MEI4: variants seen among roughly 807,000 people sequenced by gnomAD.
MEI4 encodes the protein meiosis-specific protein MEI4.
In MEI4, 27 loss-of-function variants were observed where a neutral mutation model predicts 31.4. The ratio of observed to expected loss-of-function variants is 0.86; its 90% CI spans 0.63 to 1.19. The LOEUF is 1.19. MEI4 is among the 50% of genes most tolerant of loss of function. The pLI, the probability that MEI4 is intolerant of heterozygous loss-of-function variation, is 0.00. For synonymous variants in MEI4, 122 were observed against 145.4 expected (o/e 0.84, Z 1.16); for missense variants, 329 against 398.9 (o/e 0.82, Z 1.49).
At chr6:77,916,378 T>C (rs1766547895) in intron 4 of MEI4, among the ~76,000 whole-genome samples, 1 of 152,114 alleles carries the variant, frequency 6.6e-6, no homozygotes, top group African/African-American at 2.4e-5. Flanking sequence ...TCAGTTGCTT[T>C]TCCCATTTTT....
At chr6:77,736,211 A>G (rs945783555) in intron 2 of MEI4, among the ~76,000 whole-genome samples, 4 of 152,020 alleles carry the variant, frequency 2.6e-5, no homozygotes, top group African/African-American at 4.8e-5. Flanking sequence ...AGCCTGGGCA[A>G]TGGCGGGCGC....
rs1462992857 is a variant in MEI4, at chr6:77,925,016, T to C, written c.*1670T>C. The C allele has an allele frequency of 6.6e-6, 1 of 151,964 alleles. No homozygotes were observed. Among genetic ancestry groups the C allele is most frequent in the African/African-American group, 2.4e-5 (1 of 41,426 alleles). 9.4% of individuals were successfully genotyped at this position (151,964 alleles called of 1,614,324 possible). ...TCCTGTGAACACCTGTGAAGGCTTA[T>C]GGAAGTCACTTCAGTTGATATAGCA... On this transcript the variant is annotated 3_prime_UTR_variant, in exon 5 of 5. Transcript: ENST00000684080.
chr6:77,826,628 T>C (rs1178447093), intron 3 of MEI4, among the ~76,000 whole-genome samples: 5 of 152,212 alleles, frequency 3.3e-5, no homozygotes, highest in African/African-American at 1.2e-4. Flanking sequence ...TTCTTAGTGA[T>C]AGTAAATACA....
intron 2 of MEI4, among the ~76,000 whole-genome samples, chr6:77,751,001 C>G (rs1304637668): frequency 1.3e-5 from 2 of 152,152 alleles, no homozygotes; most frequent in African/African-American, 2.4e-5. Context: ...ACTGAACAAC[C>G]TGCTCCTGAA....
At chr6:77,713,103 C>G (rs375077885) in intron 2 of MEI4, among the ~76,000 whole-genome samples, 1 of 152,064 alleles carries the variant, frequency 6.6e-6, no homozygotes, top group Admixed American at 6.5e-5. Flanking sequence ...TCAGAAGAAT[C>G]TGAATTTGAA....
intron 3 of MEI4, among the ~76,000 whole-genome samples, chr6:77,772,698 T>G (rs1247509151): frequency 6.6e-6 from 1 of 151,968 alleles, no homozygotes; most frequent in Admixed American, 6.6e-5. Flanking sequence ...GTATTGGAAA[T>G]TCTAGCTAGA....
intron 4 of MEI4, among the ~76,000 whole-genome samples, chr6:77,916,037 C>A (rs951809132): frequency 6.6e-6 from 1 of 151,840 alleles, no homozygotes; most frequent in Non-Finnish European, 1.5e-5. Context: ...TTCTGCTTGA[C>A]CTAGTTGATT....
chr6:77,825,191 C>T (rs1253758197), intron 3 of MEI4, among the ~76,000 whole-genome samples: 5 of 152,148 alleles, frequency 3.3e-5, no homozygotes, highest in African/African-American at 4.8e-5. Context: ...ATGGTTTCTA[C>T]AGCCTCCCAC....
At chr6:77,671,222 A>T (rs1423695213) in intron 1 of MEI4, among the ~76,000 whole-genome samples, 1 of 151,892 alleles carries the variant, frequency 6.6e-6, no homozygotes, top group African/African-American at 2.4e-5. Context: ...GTGCTCAGCT[A>T]ATTTTTGTAT....
intron 4 of MEI4, among the ~76,000 whole-genome samples, chr6:77,914,824 T>C (rs1053809028): frequency 6.6e-6 from 1 of 152,138 alleles, no homozygotes; most frequent in Admixed American, 6.6e-5. Context: ...ATCATATAGA[T>C]TGACTTCACT....
At chr6:77,912,203 A>G (rs1766449368) in intron 4 of MEI4, among the ~76,000 whole-genome samples, 1 of 152,034 alleles carries the variant, frequency 6.6e-6, no homozygotes, top group African/African-American at 2.4e-5. Flanking sequence ...TTTTATACCA[A>G]TACTATATTG....
chr6:77,755,736 G>T (rs916778984), intron 2 of MEI4, among the ~76,000 whole-genome samples: 1 of 151,830 alleles, frequency 6.6e-6, no homozygotes. Context: ...GGTTATGATT[G>T]CATACTTTAG....
At chr6:77,689,960 A>T (rs9343641) in intron 1 of MEI4, among the ~76,000 whole-genome samples, 20,506 of 152,022 alleles carry the variant, frequency 0.13, 1,472 homozygotes, top group Middle Eastern at 0.21. Context: ...GTGGTCTGTC[A>T]TGTGGCCTCC....
intron 4 of MEI4, among the ~76,000 whole-genome samples, chr6:77,913,551 G>A (rs1003634055): frequency 1.1e-4 from 17 of 151,830 alleles, no homozygotes; most frequent in Non-Finnish European, 1.9e-4. Context: ...TTATCTCCTC[G>A]AGATTATCCA....
chr6:77,716,211 G>A (rs1384634027), intron 2 of MEI4, among the ~76,000 whole-genome samples: 2 of 152,098 alleles, frequency 1.3e-5, no homozygotes, highest in Non-Finnish European at 2.9e-5. Context: ...CCAATTACAG[G>A]GGAATCAGAT....
intron 3 of MEI4, among the ~76,000 whole-genome samples, chr6:77,793,725 G>C (rs931389787): frequency 2.0e-5 from 3 of 152,068 alleles, no homozygotes; most frequent in Admixed American, 2.0e-4. Flanking sequence ...GCTTCAACTA[G>C]AATGTTACAA....
intron 3 of MEI4, among the ~76,000 whole-genome samples, chr6:77,795,674 A>G (rs886231967): frequency 6.6e-6 from 1 of 152,146 alleles, no homozygotes; most frequent in Non-Finnish European, 1.5e-5. Context: ...GAAGAAATTG[A>G]TAAATTCTTA....
chr6:77,917,534 T>A (rs113357509), intron 4 of MEI4, among the ~76,000 whole-genome samples: 49,071 of 135,742 alleles, frequency 0.36, 9,594 homozygotes, highest in African/African-American at 0.54. Flanking sequence ...ATGGTGAGCA[T>A]TTTTTCATGT....
At chr6:77,834,600 C>A (rs2127712866) in intron 4 of MEI4, among the ~76,000 whole-genome samples, 1 of 152,102 alleles carries the variant, frequency 6.6e-6, no homozygotes, top group Admixed American at 6.5e-5. Flanking sequence ...TCTGCTTTGC[C>A]AGTCCAGCTG....
Sources: gnomAD v4.1 joint callset for allele counts (sites outside exome capture counted in the v4.1 genomes callset) on GRCh38, gnomAD v4.1.1 for gene constraint, MANE v1.5 for transcripts, NCBI Gene and HGNC (gene_info 2026-07-23, HGNC 2026-07-21) for gene names.